Variants in BTK observed in about 807,000 individuals in gnomAD.
The protein encoded by BTK is Bruton tyrosine kinase.
BTK carries 5 observed loss-of-function variants against 57.4 expected under a neutral mutation model. The ratio of observed to expected loss-of-function variants is 0.09; its 90% CI spans 0.05 to 0.18. The LOEUF is 0.18. Ranked by LOEUF, BTK falls within the 10% of genes least tolerant of loss-of-function variation. The pLI, the probability that BTK is intolerant of heterozygous loss-of-function variation, is 1.00. For synonymous variants in BTK, 154 were observed against 174.3 expected, an observed-to-expected ratio of 0.88 and a Z score of 0.92; for missense variants, 194 against 501.2, an observed-to-expected ratio of 0.39 and a Z score of 5.85.
chrX:101,360,313 T>C (rs969651499), intron 8 of BTK, among the ~76,000 whole-genome samples, 163 bp from the exon 9 acceptor site: 4 of 111,877 alleles, frequency 3.6e-5, no homozygotes, highest in Non-Finnish European at 5.6e-5. Flanking sequence ...GGTTAGGCAG[T>C]GAGCCAGTGA....
At chrX:101,372,641 G>T (rs1168187960) in intron 3 of BTK, among the ~76,000 whole-genome samples, 1 of 107,839 alleles carries the variant, frequency 9.3e-6, no homozygotes, top group East Asian at 3.0e-4. Flanking sequence ...TAGAGACGGG[G>T]TTTCACCATG....
intron 5 of BTK, among the ~76,000 whole-genome samples, 175 bp downstream of exon 5, chrX:101,369,823 C>A (rs1349190772): frequency 9.3e-6 from 1 of 107,598 alleles, no homozygotes; most frequent in Non-Finnish European, 1.9e-5. Flanking sequence ...CTCCTCCCCT[C>A]CCTCTCTCTT....
At chrX:101,374,443 G>T in intron 3 of BTK, 93 bp downstream of exon 3, 1 of 728,435 alleles carries the variant, frequency 1.4e-6, no homozygotes, top group Non-Finnish European at 2.2e-6. Flanking sequence ...GTTCCACGTT[G>T]CACAGCATCA....
intron 13 of BTK, 53 bp from the exon 14 acceptor site, chrX:101,357,008 A>T: frequency 8.6e-7 from 1 of 1,169,327 alleles, no homozygotes. Context: ...TATAATTCTT[A>T]CAATAGACAA....
At chrX:101,352,923 T>C in intron 18 of BTK, 2 of 267,326 alleles carry the variant, frequency 7.5e-6, no homozygotes, top group Non-Finnish European at 6.4e-6. Context: ...AAAATTAGCT[T>C]GGTGTGGTGG....
At chrX:101,378,909 C>T (rs1430405010) in intron 1 of BTK, among the ~76,000 whole-genome samples, 2 of 111,318 alleles carry the variant, frequency 1.8e-5, no homozygotes, top group African/African-American at 6.5e-5. Flanking sequence ...CGCAGTGGCT[C>T]ATGCCCGTAA....
intron 1 of BTK, among the ~76,000 whole-genome samples, chrX:101,379,031 G>C (rs1182327668): frequency 4.6e-5 from 5 of 108,798 alleles, no homozygotes; most frequent in Non-Finnish European, 9.5e-5. Context: ...AAAATTAGCC[G>C]GGCGTGGTGA....
At chrX:101,387,347 C>CTTTT (rs1195584019), upstream of BTK, among the ~76,000 whole-genome samples, 267 of 75,493 alleles carry the variant, frequency 3.5e-3, 1 homozygote, top group Admixed American at 4.5e-3. Context: ...GCCCTGGGAC[C>CTTTT]TTTTTTTTTT....
intron 1 of BTK, among the ~76,000 whole-genome samples, chrX:101,385,203 G>A (rs1927575087): frequency 9.0e-6 from 1 of 111,529 alleles, no homozygotes; most frequent in South Asian, 3.8e-4. Flanking sequence ...GTATGTCAGG[G>A]TCTGGTAATC....
intron 11 of BTK, 59 bp downstream of exon 11, chrX:101,358,558 A>T (rs1228993465): frequency 8.6e-7 from 1 of 1,161,418 alleles, no homozygotes; most frequent in Non-Finnish European, 1.2e-6. Context: ...AGCATCAAGG[A>T]GCTATTAGGA....
At chrX:101,370,938 G>A (rs1290999932) in intron 4 of BTK, among the ~76,000 whole-genome samples, 1 of 112,293 alleles carries the variant, frequency 8.9e-6, no homozygotes, top group Non-Finnish European at 1.9e-5. Context: ...TATAGTCAGG[G>A]ACACGAACAA....
In BTK at chrX:101,362,837, G is replaced by A. The variant is rs1261545250; in HGVS notation, c.392-148C>T. On this transcript the variant is annotated intron_variant, in intron 5 of 18. Transcript: ENST00000308731. Reference sequence around the variant, plus strand: ...GGAGAGCAGATCACAGGACCAGTTGGCTCACATGACTGGCCTGCCTGACTG... The same window carrying A: ...GGAGAGCAGATCACAGGACCAGTTGACTCACATGACTGGCCTGCCTGACTG... 1.2e-5 allele frequency: 10 copies of A among 804,197 alleles called. No individual in the cohort carries two copies. The Admixed American group carries it at 1.4e-4, about 11-fold the overall frequency. The allele number at this position is 804,197 out of a possible 1,213,427, so 66.3% of individuals were successfully genotyped here. A position where few individuals can be genotyped will look rare whatever the true frequency, so the allele number is the denominator to read the frequency against.
chrX:101,372,554 G>C (rs1927066929), intron 3 of BTK, among the ~76,000 whole-genome samples: 2 of 109,066 alleles, frequency 1.8e-5, no homozygotes, highest in Admixed American at 9.7e-5. Context: ...GTTCAAGGGA[G>C]TCTCCTGCCT....
intron 3 of BTK, among the ~76,000 whole-genome samples, chrX:101,372,776 A>C (rs1555980554): frequency 9.3e-6 from 1 of 107,444 alleles, no homozygotes; most frequent in Non-Finnish European, 1.9e-5. Context: ...TGTCAAATTA[A>C]CTAATATTTA....
At chrX:101,389,038 G>C (rs908716267), upstream of BTK, among the ~76,000 whole-genome samples, 8 of 111,283 alleles carry the variant, frequency 7.2e-5, no homozygotes, top group Non-Finnish European at 1.3e-4. Context: ...ATAAGCTCTG[G>C]GGATCTAATG....
intron 12 of BTK, among the ~76,000 whole-genome samples, chrX:101,357,819 C>T (rs1201123849): frequency 1.8e-5 from 2 of 112,083 alleles, no homozygotes; most frequent in East Asian, 2.8e-4. Flanking sequence ...ATATTCCCAC[C>T]TCCCAGCCCA....
At chrX:101,354,076 A>G (rs1603002641) in intron 16 of BTK, 88 bp from the exon 17 acceptor site, 1 of 671,796 alleles carries the variant, frequency 1.5e-6, no homozygotes, top group South Asian at 2.2e-5. Context: ...GAGTGTCACA[A>G]ACACACACAG....
At chrX:101,369,858 T>G (rs897549913) in intron 5 of BTK, 140 bp downstream of exon 5, 7 of 559,390 alleles carry the variant, frequency 1.3e-5, no homozygotes, top group Non-Finnish European at 2.0e-5. Flanking sequence ...CTATCCATTT[T>G]TTTCTTCTTT....
chrX:101,363,324 C>T (rs200780481), intron 5 of BTK, among the ~76,000 whole-genome samples: 1 of 111,967 alleles, frequency 8.9e-6, no homozygotes, highest in East Asian at 2.8e-4. Context: ...AAAGATCTCC[C>T]AGAGTAAAAG....
Sources: allele counts gnomAD v4.1 joint callset (sites outside exome capture counted in the v4.1 genomes callset), GRCh38; gene constraint gnomAD v4.1.1; transcripts MANE v1.5; gene names NCBI Gene and HGNC (gene_info 2026-07-23, HGNC 2026-07-21).